The following COL4A2 variants were observed in gnomAD, a reference collection of about 807,000 sequenced individuals.
COL4A2 encodes collagen alpha-2(IV) chain.
COL4A2 carries 99 observed loss-of-function variants against 200.2 expected under a neutral mutation model. The observed-to-expected ratio is 0.49, with a 90% CI of 0.42 to 0.58. The LOEUF is 0.58. Among genes scored for constraint, COL4A2 ranks in the 20% least tolerant of loss-of-function variants. The pLI is 0.00. For missense variants in COL4A2, 1,950 were observed against 2,314.1 expected (o/e 0.84, Z 3.23); for synonymous variants, 897 against 900.6 (o/e 1.00, Z 0.07).
intron 27 of COL4A2, among the ~76,000 whole-genome samples, chr13:110,468,652 G>T (rs2139507470): frequency 6.6e-6 from 1 of 152,302 alleles, no homozygotes; most frequent in South Asian, 2.1e-4. Context: ...GGGTGGGTTT[G>T]ATCACACACA....
intron 16 of COL4A2, among the ~76,000 whole-genome samples, chr13:110,442,916 A>C (rs1881184720): frequency 8.0e-6 from 1 of 125,326 alleles, no homozygotes; most frequent in South Asian, 2.6e-4. Flanking sequence ...TGAGGAATAC[A>C]TGCCACACCA....
chr13:110,503,044 G>A, intron 41 of COL4A2, 77 bp from the exon 42 acceptor site: 2 of 1,367,474 alleles, frequency 1.5e-6, no homozygotes. Flanking sequence ...GCCTGAATGG[G>A]TGACGGTGCA....
intron 47 of COL4A2, among the ~76,000 whole-genome samples, chr13:110,509,329 A>T (rs985225046): frequency 1.3e-5 from 2 of 149,130 alleles, no homozygotes; most frequent in Non-Finnish European, 3.0e-5. Context: ...GTGATTGCTA[A>T]TCTTTCAAAA....
intron 3 of COL4A2, among the ~76,000 whole-genome samples, chr13:110,356,869 G>A (rs755671956): frequency 1.1e-4 from 17 of 151,738 alleles, no homozygotes; most frequent in Non-Finnish European, 2.5e-4. Flanking sequence ...CGGTTCAAGC[G>A]ATTTTCCTGC....
chr13:110,397,901 C>G (rs1847263215), intron 4 of COL4A2, among the ~76,000 whole-genome samples: 1 of 152,146 alleles, frequency 6.6e-6, no homozygotes, highest in South Asian at 2.1e-4. Flanking sequence ...TTTAGCAACC[C>G]CCTAATGATT....
At position 110,398,121 on chromosome 13, in the gene COL4A2, C is replaced by T. The variant is rs187560422; in HGVS notation, c.181-26613C>T. The stretch of plus-strand genomic sequence containing the variant: ...TTTTTTCTTTTTTTTTTTCCTACTG[C>T]TTCCTTTTCCTTTTTCTTCTTCTCT... On this transcript the variant is annotated intron_variant, in intron 4 of 47. Transcript: ENST00000360467. Among the ~76,000 whole-genome samples the T allele has an allele frequency of 1.8e-3, 266 of 150,274 alleles. 2 individuals are homozygous for T. Among genetic ancestry groups the T allele is most frequent in the Admixed American group, 3.6e-3 (55 of 15,136 alleles).
Position 110,318,897 on chromosome 13 carries a change from A to G in COL4A2, c.99+10774A>G, listed in dbSNP as rs74642703. Among the ~76,000 whole-genome samples, 11 of 152,224 alleles carry G rather than the reference A, an allele frequency of 7.2e-5. No homozygotes were observed. In the East Asian group the frequency reaches 1.2e-3, roughly 16 times the overall value. ...GTTATTGTTAACTCTAGTTAACAGTATGAAATAATGAAATATTCCATATTT... is the reference window on the plus strand; with the variant it reads ...GTTATTGTTAACTCTAGTTAACAGTGTGAAATAATGAAATATTCCATATTT... On this transcript the variant is annotated intron_variant, in intron 3 of 47. Transcript: ENST00000360467.
intron 18 of COL4A2, 58 bp downstream of exon 18, chr13:110,446,922 G>C (rs1881349740): frequency 1.4e-6 from 2 of 1,423,520 alleles, no homozygotes; most frequent in African/African-American, 2.8e-5. Flanking sequence ...TCTCCTGTTA[G>C]GGACACAGAG....
Position 110,504,667 on chromosome 13 carries a change from G to A in COL4A2, c.4402+403G>A, listed in dbSNP as rs143274101. Among the ~76,000 whole-genome samples, 69 of 152,250 alleles carry A rather than the reference G, an allele frequency of 4.5e-4. No homozygotes were observed. In the East Asian group the frequency reaches 0.011, roughly 24 times the overall value. On this transcript the variant is annotated intron_variant, in intron 45 of 47. Coordinates refer to ENST00000360467, the MANE Select transcript of COL4A2 (RefSeq NM_001846.4). ...CTCACCCAGGCTGGAGTGCAGTGGCGCAATCTCAGCTCACTGCAGCTTCTG... is the reference window on the plus strand; with the variant it reads ...CTCACCCAGGCTGGAGTGCAGTGGCACAATCTCAGCTCACTGCAGCTTCTG...
chr13:110,491,590 C>G (rs1883284896), intron 37 of COL4A2, among the ~76,000 whole-genome samples: 1 of 152,206 alleles, frequency 6.6e-6, no homozygotes, highest in Non-Finnish European at 1.5e-5. Context: ...GGTTGAGCCT[C>G]TGTCTCTCAT....
At chr13:110,474,895 T>C (rs1430116996) in intron 29 of COL4A2, among the ~76,000 whole-genome samples, 1 of 133,514 alleles carries the variant, frequency 7.5e-6, no homozygotes, top group African/African-American at 2.9e-5. Flanking sequence ...CACACGTGCC[T>C]ATGCACACTC....
intron 39 of COL4A2, among the ~76,000 whole-genome samples, chr13:110,493,857 C>A (rs978054214): frequency 6.6e-6 from 1 of 152,136 alleles, no homozygotes; most frequent in Non-Finnish European, 1.5e-5. Flanking sequence ...TGTGTCCTCA[C>A]GAGGGAGAGC....
intron 40 of COL4A2, 148 bp from the exon 41 acceptor site, chr13:110,501,520 G>T: frequency 3.1e-6 from 2 of 654,566 alleles, no homozygotes; most frequent in Non-Finnish European, 5.3e-6. Flanking sequence ...GCCCCACCAT[G>T]AGATGTTCCT....
chr13:110,500,274 T>A (rs1883598080), intron 40 of COL4A2, among the ~76,000 whole-genome samples: 1 of 152,236 alleles, frequency 6.6e-6, no homozygotes, highest in South Asian at 2.1e-4. Flanking sequence ...GCTCACTATT[T>A]CCTGCAGAGC....
chr13:110,310,098 A>G (rs1352243379), intron 3 of COL4A2, among the ~76,000 whole-genome samples: 1 of 152,250 alleles, frequency 6.6e-6, no homozygotes, highest in Non-Finnish European at 1.5e-5. Context: ...ACGGCTTCAC[A>G]GAGGCCAAGT....
intron 4 of COL4A2, among the ~76,000 whole-genome samples, chr13:110,370,883 G>A (rs755261733): frequency 6.6e-6 from 1 of 152,190 alleles, no homozygotes; most frequent in Non-Finnish European, 1.5e-5. Flanking sequence ...TTTGAGGATA[G>A]CATGGATGAA....
chr13:110,376,353 C>T (rs1363118042), intron 4 of COL4A2, among the ~76,000 whole-genome samples: 1 of 152,142 alleles, frequency 6.6e-6, no homozygotes, highest in Admixed American at 6.5e-5. Flanking sequence ...AGTGACTCTT[C>T]TGGTTGCTGC....
At chr13:110,308,665 C>T (rs933657972) in intron 3 of COL4A2, among the ~76,000 whole-genome samples, 2 of 152,128 alleles carry the variant, frequency 1.3e-5, no homozygotes, top group African/African-American at 4.8e-5. Context: ...GCGTTTTCTC[C>T]CAAGTCCTGT....
At chr13:110,409,488 G>T (rs140934852) in intron 4 of COL4A2, among the ~76,000 whole-genome samples, 1 of 152,244 alleles carries the variant, frequency 6.6e-6, no homozygotes, top group Non-Finnish European at 1.5e-5. Flanking sequence ...CACCAAATGC[G>T]CAGGAAGCGT....
Sources: gnomAD v4.1 joint callset for allele counts (sites outside exome capture counted in the v4.1 genomes callset) on GRCh38, gnomAD v4.1.1 for gene constraint, MANE v1.5 for transcripts, NCBI Gene and HGNC (gene_info 2026-07-23, HGNC 2026-07-21) for gene names.